FRMD4B: variants seen among roughly 807,000 people sequenced by gnomAD.
The protein encoded by FRMD4B is FERM domain-containing protein 4B.
In FRMD4B, 74 loss-of-function variants were observed where a neutral mutation model predicts 141.5. The observed-to-expected ratio is 0.52, with a 90% CI of 0.43 to 0.63. FRMD4B has a LOEUF of 0.63. Among genes scored for constraint, FRMD4B ranks in the 30% least tolerant of loss-of-function variants. The pLI is 0.00. For missense variants in FRMD4B, 1,366 were observed against 1,253.4 expected, an observed-to-expected ratio of 1.09 and a Z score of -1.36; for synonymous variants, 506 against 467.9, an observed-to-expected ratio of 1.08 and a Z score of -1.05.
chr3:69,265,268 AAATATATATATATATATAT>A (rs1379337012), intron 5 of FRMD4B, among the ~76,000 whole-genome samples: 5,906 of 28,846 alleles, frequency 0.2, 1,653 homozygotes, highest in East Asian at 0.39. Context: ...AAAAAAAAAA[AAATATATATATATATATAT>A]ATATATATAT....
intron 17 of FRMD4B, among the ~76,000 whole-genome samples, chr3:69,190,169 C>A (rs926250368): frequency 6.6e-6 from 1 of 152,124 alleles, no homozygotes; most frequent in Non-Finnish European, 1.5e-5. Context: ...TAGATTATTT[C>A]TTAAAATGGA....
chr3:69,441,315 G>C (rs942515961), intron 1 of FRMD4B, among the ~76,000 whole-genome samples: 1 of 150,396 alleles, frequency 6.6e-6, no homozygotes, highest in Non-Finnish European at 1.5e-5. Context: ...TTTTCTTTAT[G>C]TACTCAAACA....
chr3:69,441,498 G>A (rs1024904998), intron 1 of FRMD4B, among the ~76,000 whole-genome samples: 1 of 152,080 alleles, frequency 6.6e-6, no homozygotes, highest in Admixed American at 6.6e-5. Flanking sequence ...CCAACCATCC[G>A]TAATGACATA....
chr3:69,410,718 AATAAATAAATAT>A (rs1357978541), intron 2 of FRMD4B, among the ~76,000 whole-genome samples: 32 of 72,368 alleles, frequency 4.4e-4, no homozygotes, highest in African/African-American at 1.6e-3. Context: ...TAAATAAATA[AATAAATAAATAT>A]ATATATATAT....
chr3:69,263,303 A>G (rs1044896062), intron 5 of FRMD4B, among the ~76,000 whole-genome samples: 1 of 152,052 alleles, frequency 6.6e-6, no homozygotes, highest in African/African-American at 2.4e-5. Context: ...TAGCAGACAG[A>G]ATAAGGACTG....
At chr3:69,507,771 A>T (rs1706622297) in intron 1 of FRMD4B, among the ~76,000 whole-genome samples, 1 of 152,236 alleles carries the variant, frequency 6.6e-6, no homozygotes, top group Non-Finnish European at 1.5e-5. Flanking sequence ...CTTGATCCAG[A>T]GACAGAGAAG....
At chr3:69,532,569 C>G (rs2107158830) in intron 1 of FRMD4B, among the ~76,000 whole-genome samples, 1 of 152,186 alleles carries the variant, frequency 6.6e-6, no homozygotes, top group East Asian at 1.9e-4. Flanking sequence ...AAGGTAGGAT[C>G]AGAACTTGGC....
chr3:69,304,875 T>C (rs752099806), intron 3 of FRMD4B, among the ~76,000 whole-genome samples: 18 of 152,322 alleles, frequency 1.2e-4, no homozygotes, highest in Middle Eastern at 3.4e-3. Context: ...AAACCTATTT[T>C]GGTCCTTGAG....
chr3:69,198,421 C>G (rs758071657), intron 12 of FRMD4B: 1 of 389,664 alleles, frequency 2.6e-6, no homozygotes. Context: ...TACATGCACA[C>G]AAAACTAAAA....
chr3:69,325,085 A>AAGAAAGAAAGAAAGAATGAAAG (rs1553724229), intron 1 of FRMD4B, among the ~76,000 whole-genome samples: 1 of 79,996 alleles, frequency 1.3e-5, no homozygotes, highest in African/African-American at 4.7e-5. Context: ...TAAAAAAAAA[A>AAGAAAGAAAGAAAGAATGAAAG]AAAGAAAGAA....
chr3:69,222,538 G>A lies in FRMD4B; in HGVS notation c.666-615C>T, dbSNP rs541922425. Among the ~76,000 whole-genome samples, 3 of 149,662 alleles carry A rather than the reference G, an allele frequency of 2.0e-5. No individual in the cohort carries two copies. The East Asian group carries it at 6.0e-4, about 30-fold the overall frequency. ...TGTATTCCCAGCACTTTGGGAAGTT[G>A]AGGCAGGCAGATCACCTGAGGTCAG... On this transcript the variant is annotated intron_variant, in intron 8 of 22. Coordinates refer to ENST00000398540, the MANE Select transcript of FRMD4B (RefSeq NM_015123.3).
intron 1 of FRMD4B, among the ~76,000 whole-genome samples, chr3:69,508,405 A>C (rs948151827): frequency 1.3e-5 from 2 of 152,182 alleles, no homozygotes; most frequent in African/African-American, 4.8e-5. Context: ...ACAGGCTGGG[A>C]AAATTTCCTT....
Position 69,181,396 on chromosome 3 carries a change from T to A in FRMD4B, c.2354A>T (p.Lys785Met). 1 of 1,613,844 alleles carries A rather than the reference T, an allele frequency of 6.2e-7. No individual in the cohort carries two copies. Among genetic ancestry groups the A allele is most frequent in the Non-Finnish European group, 8.5e-7 (1 of 1,179,774 alleles). The change falls in exon 21 of 23, where the codon AAG (lysine) becomes ATG (methionine). Residue 785 changes from lysine (K) to methionine (M), a missense_variant. Coordinates refer to ENST00000398540, the MANE Select transcript of FRMD4B (RefSeq NM_015123.3). ...NSGSMPNLAQ[K>M]DSLRNGVYSK... is the part of the protein sequence containing the mutation. ...GTAAACACCATTCCTCAAACTATCC[T>A]TTTGTGCTAGGTTGGGCATGCTTCC... is the stretch of plus-strand genomic sequence containing the variant.
chr3:69,223,934 A>G lies in FRMD4B; in HGVS notation c.665+673T>C, dbSNP rs1298693543. Among the ~76,000 whole-genome samples, 7 of 152,330 alleles carry G rather than the reference A, an allele frequency of 4.6e-5. No homozygotes were observed. In the South Asian group the frequency reaches 1.4e-3, roughly 32 times the overall value. The stretch of plus-strand genomic sequence containing the variant: ...GCCTCAGTACTTACTTTCACTATAT[A>G]TTTGGGAATATACTTCCAACTTCAT... On this transcript the variant is annotated intron_variant, in intron 8 of 22. Transcript: ENST00000398540.
At chr3:69,524,072 G>A (rs959703459) in intron 1 of FRMD4B, among the ~76,000 whole-genome samples, 3 of 152,134 alleles carry the variant, frequency 2.0e-5, no homozygotes, top group Non-Finnish European at 2.9e-5. Flanking sequence ...TACCATAGAT[G>A]ACCCCCCACC....
At chr3:69,470,530 A>T (rs992373355) in intron 1 of FRMD4B, among the ~76,000 whole-genome samples, 35 of 152,298 alleles carry the variant, frequency 2.3e-4, no homozygotes, top group African/African-American at 7.5e-4. Flanking sequence ...GGTTTTATTT[A>T]GAAAGAAGAA....
intron 1 of FRMD4B, among the ~76,000 whole-genome samples, chr3:69,323,540 G>C (rs530860405): frequency 2.7e-4 from 40 of 149,906 alleles, no homozygotes; most frequent in African/African-American, 8.6e-4. Flanking sequence ...ACTCCAGCCT[G>C]GGCGACACAG....
intron 1 of FRMD4B, among the ~76,000 whole-genome samples, chr3:69,492,982 C>A (rs1318284925): frequency 1.3e-5 from 2 of 152,168 alleles, no homozygotes; most frequent in South Asian, 2.1e-4. Flanking sequence ...TATCTTCAGT[C>A]TCAGGTGCTC....
intron 1 of FRMD4B, among the ~76,000 whole-genome samples, chr3:69,468,775 TGA>T (rs986878147): frequency 1.3e-5 from 2 of 152,192 alleles, no homozygotes; most frequent in Non-Finnish European, 2.9e-5. Context: ...ATAATATTAT[TGA>T]GCGACTGAAT....
Sources: gnomAD v4.1 joint callset for allele counts (sites outside exome capture counted in the v4.1 genomes callset) on GRCh38, gnomAD v4.1.1 for gene constraint, MANE v1.5 for transcripts, NCBI Gene and HGNC (gene_info 2026-07-23, HGNC 2026-07-21) for gene names.